The following HS6ST3 variants were observed in gnomAD, a reference collection of about 807,000 sequenced individuals.
HS6ST3 encodes the protein heparan-sulfate 6-O-sulfotransferase 3.
Under a neutral mutation model 36.7 loss-of-function variants are expected in HS6ST3, and 12 were observed. The observed-to-expected ratio is 0.33, with a 90% confidence interval of 0.21 to 0.53. The LOEUF (loss-of-function observed/expected upper bound fraction) is 0.53. HS6ST3 is among the 20% of genes least tolerant of loss of function. The pLI, the probability that HS6ST3 is intolerant of heterozygous loss-of-function variation, is 0.95. For missense variants in HS6ST3, 584 were observed against 640.9 expected, an observed-to-expected ratio of 0.91 and a Z score of 0.96; for synonymous variants, 240 against 257.5, an observed-to-expected ratio of 0.93 and a Z score of 0.65.
At chr13:96,550,656 T>G (rs370842754) in intron 1 of HS6ST3, among the ~76,000 whole-genome samples, 4 of 152,114 alleles carry the variant, frequency 2.6e-5, no homozygotes, top group African/African-American at 7.2e-5. Flanking sequence ...TTTATGTTTT[T>G]TTTTTGTTTT....
At chr13:96,267,541 G>GAAACTCAAC in intron 1 of HS6ST3, among the ~76,000 whole-genome samples, 5 of 152,168 alleles carry the variant, frequency 3.3e-5, no homozygotes, top group African/African-American at 1.2e-4. Flanking sequence ...AATGTCCTTT[G>GAAACTCAAC]TGTTATTAAA....
At chr13:96,730,385 A>T (rs1362031802) in intron 1 of HS6ST3, among the ~76,000 whole-genome samples, 1 of 152,088 alleles carries the variant, frequency 6.6e-6, no homozygotes, top group Non-Finnish European at 1.5e-5. Context: ...TCAGAATCTC[A>T]TAGAGTGCCT....
intron 1 of HS6ST3, among the ~76,000 whole-genome samples, chr13:96,433,063 A>T (rs1346245885): frequency 6.6e-6 from 1 of 152,228 alleles, no homozygotes; most frequent in Non-Finnish European, 1.5e-5. Flanking sequence ...TAAAGTCATA[A>T]ACCAAATTTG....
chr13:96,627,979 A>G (rs997830325), intron 1 of HS6ST3, among the ~76,000 whole-genome samples: 2 of 151,624 alleles, frequency 1.3e-5, no homozygotes, highest in Non-Finnish European at 3.0e-5. Context: ...AACTTTTGAC[A>G]TTTTAGTTTT....
intron 1 of HS6ST3, among the ~76,000 whole-genome samples, chr13:96,304,467 A>C (rs533857797): frequency 1.3e-5 from 2 of 152,246 alleles, no homozygotes; most frequent in East Asian, 3.9e-4. Context: ...AGGCCTAATC[A>C]AGGGACCATC....
chr13:96,189,077 T>G (rs2054277583), intron 1 of HS6ST3, among the ~76,000 whole-genome samples: 1 of 152,174 alleles, frequency 6.6e-6, no homozygotes. Flanking sequence ...TTTTTCTTCA[T>G]CTATAATTTT....
At chr13:96,717,654 C>G (rs916519581) in intron 1 of HS6ST3, among the ~76,000 whole-genome samples, 2 of 152,182 alleles carry the variant, frequency 1.3e-5, no homozygotes, top group African/African-American at 4.8e-5. Flanking sequence ...TTATTCCTCA[C>G]AACTCCATGA....
At chr13:96,216,363 T>A (rs923800850) in intron 1 of HS6ST3, among the ~76,000 whole-genome samples, 9 of 152,348 alleles carry the variant, frequency 5.9e-5, no homozygotes, top group African/African-American at 2.2e-4. Flanking sequence ...GTGTCATGAT[T>A]CACTGAGCCG....
chr13:96,555,599 T>C (rs2056237394), intron 1 of HS6ST3, among the ~76,000 whole-genome samples: 6 of 152,202 alleles, frequency 3.9e-5, no homozygotes. Context: ...TACAACATGC[T>C]CTTGTTGTTA....
At chr13:96,105,205 TG>T (rs1190018328) in intron 1 of HS6ST3, among the ~76,000 whole-genome samples, 1 of 152,080 alleles carries the variant, frequency 6.6e-6, no homozygotes, top group Non-Finnish European at 1.5e-5. Context: ...GGATGTGGAT[TG>T]ATTTGAGAGA....
intron 1 of HS6ST3, among the ~76,000 whole-genome samples, chr13:96,491,111 A>G (rs929304585): frequency 6.6e-6 from 1 of 152,204 alleles, no homozygotes; most frequent in Non-Finnish European, 1.5e-5. Context: ...CTAGTTCTAA[A>G]GAAGACCCAT....
At chr13:96,632,986 G>A (rs962207876) in intron 1 of HS6ST3, among the ~76,000 whole-genome samples, 15 of 152,186 alleles carry the variant, frequency 9.9e-5, no homozygotes, top group Non-Finnish European at 2.1e-4. Flanking sequence ...TCACTGTGCT[G>A]AAAGCCACAC....
intron 1 of HS6ST3, among the ~76,000 whole-genome samples, chr13:96,553,534 T>C (rs1339157650): frequency 6.6e-6 from 1 of 152,140 alleles, no homozygotes; most frequent in Non-Finnish European, 1.5e-5. Context: ...AGATTGACTT[T>C]CAGTAGGTAT....
intron 1 of HS6ST3, among the ~76,000 whole-genome samples, chr13:96,304,717 T>TC (rs1345849945): frequency 0.021 from 2,705 of 131,492 alleles, 9 homozygotes; most frequent in Middle Eastern, 0.027. Flanking sequence ...CTTTCTTTTT[T>TC]TTTTTTTTTT....
chr13:96,758,913 AAT>A lies in HS6ST3; in HGVS notation c.708-73574_708-73573del, dbSNP rs1450089357. Among the ~76,000 whole-genome samples the A allele has an allele frequency of 3.3e-5, 5 of 151,922 alleles. No individual in the cohort carries two copies. The East Asian group carries it at 7.7e-4, about 23-fold the overall frequency. Reference sequence around the variant, plus strand: ...AGTTGTTTAATCAATTACTGAGAAAAATATGTTACAATTTTCTATTATCCTGA... The same window carrying A: ...AGTTGTTTAATCAATTACTGAGAAAAATGTTACAATTTTCTATTATCCTGA... On this transcript the variant is annotated intron_variant, in intron 1 of 1. Transcript: ENST00000376705.
intron 1 of HS6ST3, among the ~76,000 whole-genome samples, chr13:96,790,189 G>A (rs991593597): frequency 6.6e-6 from 1 of 151,336 alleles, no homozygotes; most frequent in African/African-American, 2.4e-5. Flanking sequence ...CTGCTATTGA[G>A]TCCATCAAGT....
chr13:96,685,077 A>G (rs941876710), intron 1 of HS6ST3, among the ~76,000 whole-genome samples: 2 of 152,084 alleles, frequency 1.3e-5, no homozygotes, highest in Non-Finnish European at 2.9e-5. Flanking sequence ...AACAGAAGTG[A>G]CCTGTTTGGC....
rs2056369329 is a variant in HS6ST3 at position 96,588,251 on chromosome 13, A to G, written c.708-244239A>G. On this transcript the variant is annotated intron_variant, in intron 1 of 1. Transcript: ENST00000376705. The stretch of plus-strand genomic sequence containing the variant: ...TCTTGCTTAACTACTCTAGCTAGCT[A>G]GAATGTCCAATACTATGTTGAATGG... 1.3e-5 allele frequency among the ~76,000 whole-genome samples: 2 copies of G among 150,694 alleles called. 1 individual carries two copies. Among genetic ancestry groups the G allele is most frequent in the South Asian group, 4.2e-4 (2 of 4,776 alleles).
intron 1 of HS6ST3, among the ~76,000 whole-genome samples, chr13:96,756,450 T>C (rs1876833493): frequency 1.3e-5 from 2 of 152,200 alleles, no homozygotes; most frequent in African/African-American, 4.8e-5. Flanking sequence ...TGTGGGAATA[T>C]TCTCCTACAC....
Sources: gnomAD v4.1 joint callset for allele counts (sites outside exome capture counted in the v4.1 genomes callset) on GRCh38, gnomAD v4.1.1 for gene constraint, MANE v1.5 for transcripts, NCBI Gene and HGNC (gene_info 2026-07-23, HGNC 2026-07-21) for gene names.